CBFA2T2: variants seen among roughly 807,000 people sequenced by gnomAD.
CBFA2T2 encodes CBFA2/RUNX1 partner transcriptional co-repressor 2.
In CBFA2T2, 11 loss-of-function variants were observed where a neutral mutation model predicts 62.2. The observed-to-expected ratio is 0.18, with a 90% CI of 0.11 to 0.29. CBFA2T2 has a LOEUF of 0.29. Ranked by LOEUF, CBFA2T2 falls within the 10% of genes least tolerant of loss-of-function variation. The probability of loss-of-function intolerance (pLI) is 1.00; values close to 1 mark genes in which losing one functional copy is unlikely to be tolerated. For missense variants in CBFA2T2, 592 were observed against 774.1 expected (o/e 0.76, Z 2.79); for synonymous variants, 295 against 287.5 (o/e 1.03, Z -0.27).
chr20:33,600,568 A>T, intron 1 of CBFA2T2: 3 of 299,590 alleles, frequency 1.0e-5, no homozygotes, highest in South Asian at 7.6e-5. Flanking sequence ...GCTATGGTCC[A>T]GGAAATCTTT....
intron 1 of CBFA2T2, among the ~76,000 whole-genome samples, chr20:33,599,925 A>G (rs1352025572): frequency 6.6e-6 from 1 of 152,042 alleles, no homozygotes; most frequent in Admixed American, 6.6e-5. Context: ...TTATGTCTCC[A>G]TTTTTGTTGA....
chr20:33,533,890 G>A (rs1423934700), intron 1 of CBFA2T2, among the ~76,000 whole-genome samples: 1 of 152,112 alleles, frequency 6.6e-6, no homozygotes, highest in African/African-American at 2.4e-5. Flanking sequence ...CTGGAGAACC[G>A]CTTGAACCCT....
intron 1 of CBFA2T2, among the ~76,000 whole-genome samples, chr20:33,511,540 A>T (rs1343388418): frequency 1.3e-5 from 2 of 152,088 alleles, no homozygotes; most frequent in African/African-American, 4.8e-5. Context: ...CAAAACTCTT[A>T]AAAAAATGGT....
At chr20:33,544,578 C>T (rs1355250890) in intron 1 of CBFA2T2, among the ~76,000 whole-genome samples, 2 of 151,916 alleles carry the variant, frequency 1.3e-5, no homozygotes, top group Non-Finnish European at 2.9e-5. Context: ...GATGGAGTCT[C>T]GCTCTGTCAC....
At chr20:33,507,252 TAA>T (rs1212795818) in intron 1 of CBFA2T2, among the ~76,000 whole-genome samples, 1 of 152,174 alleles carries the variant, frequency 6.6e-6, no homozygotes, top group East Asian at 1.9e-4. Flanking sequence ...CTGGGGGATA[TAA>T]AGAGTTCTGA....
At chr20:33,499,825 GAAA>G (rs1568786403) in intron 1 of CBFA2T2, among the ~76,000 whole-genome samples, 1 of 151,686 alleles carries the variant, frequency 6.6e-6, no homozygotes, top group East Asian at 1.9e-4. Context: ...TCAGAAAAAA[GAAA>G]AAAAGAAATG....
intron 1 of CBFA2T2, among the ~76,000 whole-genome samples, chr20:33,501,688 G>A (rs1474646586): frequency 8.2e-6 from 1 of 122,302 alleles, no homozygotes; most frequent in African/African-American, 3.1e-5. Context: ...TCGCCAGGCT[G>A]GAGTGCAGTG....
intron 1 of CBFA2T2, among the ~76,000 whole-genome samples, chr20:33,537,946 A>C (rs1014321020): frequency 5.9e-5 from 9 of 151,958 alleles, no homozygotes; most frequent in African/African-American, 1.9e-4. Context: ...TGTTTTAGGT[A>C]ATCTAGGTTC....
At chr20:33,561,949 A>AT (rs1383549701) in intron 1 of CBFA2T2, among the ~76,000 whole-genome samples, 3 of 152,060 alleles carry the variant, frequency 2.0e-5, no homozygotes, top group African/African-American at 7.2e-5. Flanking sequence ...GCAACTTTAT[A>AT]TTTTTCATCC....
At chr20:33,592,445 A>AAT (rs998118755) in intron 1 of CBFA2T2, among the ~76,000 whole-genome samples, 46 of 148,098 alleles carry the variant, frequency 3.1e-4, no homozygotes, top group Admixed American at 8.8e-4. Flanking sequence ...TAATTATGTA[A>AAT]ATATATATAT....
At position 33,559,820 on chromosome 20, in the gene CBFA2T2, C is replaced by T. The variant is rs149382729; in HGVS notation, c.35-47136C>T. Among the ~76,000 whole-genome samples, 212 of 152,248 alleles carry T rather than the reference C, an allele frequency of 1.4e-3. 1 individual carries two copies. Among genetic ancestry groups the T allele is most frequent in the South Asian group, 7.5e-3 (36 of 4,816 alleles). The stretch of plus-strand genomic sequence containing the variant: ...CATTTTTTATTGCTCCTCAAATTAC[C>T]CCATCTTTGTTAGTGGGAGCCTCTT... On this transcript the variant is annotated intron_variant, in intron 1 of 10. Transcript: ENST00000342704.
intron 1 of CBFA2T2, among the ~76,000 whole-genome samples, chr20:33,537,884 A>G (rs936169158): frequency 2.0e-5 from 3 of 152,198 alleles, no homozygotes; most frequent in Non-Finnish European, 4.4e-5. Context: ...CTGTTTTACT[A>G]TAACTTGAAG....
chr20:33,530,422 T>C (rs185740119), intron 1 of CBFA2T2, among the ~76,000 whole-genome samples: 39 of 151,442 alleles, frequency 2.6e-4, no homozygotes, highest in East Asian at 2.3e-3. Context: ...TGATGCCCAT[T>C]GTTTGTTTTT....
At chr20:33,547,082 C>T (rs754688571) in intron 1 of CBFA2T2, among the ~76,000 whole-genome samples, 4 of 152,120 alleles carry the variant, frequency 2.6e-5, no homozygotes, top group Non-Finnish European at 4.4e-5. Context: ...CATCTGTAGT[C>T]CCAGCTACTC....
rs139150224 is a variant in CBFA2T2, at chr20:33,623,161, C to T, written c.557C>T (p.Ala186Val). The T allele has an allele frequency of 2.8e-5, 46 of 1,614,244 alleles. 1 individual carries two copies. The Middle Eastern group carries it at 1.7e-3, about 58-fold the overall frequency. ...LQRELLHCAR[A>V]AKQTPSQYLA... ...CGGGAACTGCTGCACTGCGCTCGGGCGGCCAAGCAGACCCCATCCCAGTAC... is the reference window on the plus strand; with the variant it reads ...CGGGAACTGCTGCACTGCGCTCGGGTGGCCAAGCAGACCCCATCCCAGTAC... Residue 186 changes from alanine to valine, a missense_variant, in exon 5 of 11, where the codon GCG (alanine) becomes GTG (valine). By Grantham distance (64) the Ala-to-Val change is moderately conservative. Transcript: ENST00000342704.
intron 1 of CBFA2T2, among the ~76,000 whole-genome samples, chr20:33,583,645 A>G (rs533917492): frequency 1.3e-5 from 2 of 152,324 alleles, no homozygotes; most frequent in East Asian, 1.9e-4. Context: ...TCTTAAGTCA[A>G]CTTGTTTGGA....
At chr20:33,492,694 A>T (rs1014482818) in intron 1 of CBFA2T2, among the ~76,000 whole-genome samples, 1 of 151,698 alleles carries the variant, frequency 6.6e-6, no homozygotes, top group African/African-American at 2.4e-5. Flanking sequence ...TATTTTTTGT[A>T]GAGATGGGGT....
At chr20:33,537,439 A>G (rs1433144267) in intron 1 of CBFA2T2, among the ~76,000 whole-genome samples, 1 of 152,258 alleles carries the variant, frequency 6.6e-6, no homozygotes, top group East Asian at 1.9e-4. Context: ...TGGCAGCAGT[A>G]CAGTCCAGCT....
chr20:33,619,432 T>TAAA (rs113267413), intron 3 of CBFA2T2, 85 bp from the exon 4 acceptor site: 140 of 515,570 alleles, frequency 2.7e-4, no homozygotes, highest in South Asian at 6.6e-4. Context: ...TAAATAACAT[T>TAAA]AAAAAAAAAA....
Sources: gnomAD v4.1 joint callset for allele counts (sites outside exome capture counted in the v4.1 genomes callset) on GRCh38, gnomAD v4.1.1 for gene constraint, MANE v1.5 for transcripts, NCBI Gene and HGNC (gene_info 2026-07-23, HGNC 2026-07-21) for gene names.